Variants in NDRG1 observed in about 807,000 individuals in gnomAD.
The protein encoded by NDRG1 is N-myc downstream regulated 1.
In NDRG1, 32 loss-of-function variants were observed where a neutral mutation model predicts 56.9. That is an observed-to-expected ratio of 0.56 (90% confidence interval 0.42 to 0.76). NDRG1 has a LOEUF of 0.76. NDRG1 is among the 30% of genes least tolerant of loss of function. The probability of loss-of-function intolerance (pLI) is 0.00; values close to 1 mark genes in which losing one functional copy is unlikely to be tolerated. For missense variants in NDRG1, 507 were observed against 545.7 expected (o/e 0.93, Z 0.71); for synonymous variants, 211 against 204.1 (o/e 1.03, Z -0.29).
chr8:133,267,444 C>T (rs574691461), intron 3 of NDRG1, among the ~76,000 whole-genome samples: 1 of 152,276 alleles, frequency 6.6e-6, no homozygotes, highest in Non-Finnish European at 1.5e-5. Context: ...ACCGTTAAGT[C>T]CCCTGGCACA....
Position 133,284,243 on chromosome 8 carries a change from A to G in NDRG1, c.63+6T>C, listed in dbSNP as rs199597649. ...TGATGGGGTAGCCAGGAAGATCTCC[A>G]CTCACCTCCCCTTTCTCCACCAAAG... On this transcript the variant is annotated splice_donor_region_variant and intron_variant, in intron 2 of 15. Transcript: ENST00000323851. 677 of 1,613,492 alleles carry G rather than the reference A, an allele frequency of 4.2e-4. 1 individual carries two copies. Among genetic ancestry groups the G allele is most frequent in the Non-Finnish European group, 5.4e-4 (639 of 1,179,806 alleles).
intron 2 of NDRG1, among the ~76,000 whole-genome samples, chr8:133,282,008 T>C (rs887816867): frequency 6.6e-6 from 1 of 152,190 alleles, no homozygotes; most frequent in Non-Finnish European, 1.5e-5. Flanking sequence ...TAACTCTAAA[T>C]ACTTTGCTGA....
chr8:133,256,683 A>C, intron 8 of NDRG1, 94 bp downstream of exon 8: 1 of 1,195,608 alleles, frequency 8.4e-7, no homozygotes, highest in South Asian at 1.3e-5. Flanking sequence ...GTAAAGAGAG[A>C]GCTCGTAGCT....
At chr8:133,239,414 C>T in intron 15 of NDRG1, 3 of 577,132 alleles carry the variant, frequency 5.2e-6, no homozygotes, top group Non-Finnish European at 3.1e-6. Context: ...TGAGAGTGTC[C>T]CCCTGAGCCT....
At chr8:133,292,879 C>G (rs1292854038) in intron 1 of NDRG1, among the ~76,000 whole-genome samples, 1 of 152,206 alleles carries the variant, frequency 6.6e-6, no homozygotes, top group Non-Finnish European at 1.5e-5. Flanking sequence ...CACTTTCTAC[C>G]AGCTCAGTTG....
intron 10 of NDRG1, 65 bp downstream of exon 10, chr8:133,250,375 A>T: frequency 1.4e-6 from 2 of 1,390,680 alleles, no homozygotes; most frequent in Non-Finnish European, 2.0e-6. Context: ...CATCTGTCCC[A>T]CATTTCGGAT....
At chr8:133,269,909 C>T (rs1857108109) in intron 3 of NDRG1, among the ~76,000 whole-genome samples, 2 of 152,252 alleles carry the variant, frequency 1.3e-5, no homozygotes, top group African/African-American at 4.8e-5. Context: ...GCACCTGCCC[C>T]CAAACTGCAC....
At chr8:133,241,748 G>T (rs1181358416) in intron 15 of NDRG1, 2 of 551,908 alleles carry the variant, frequency 3.6e-6, no homozygotes, top group Non-Finnish European at 6.5e-6. Flanking sequence ...CATTGTCTTG[G>T]TGCTTAAAGG....
At chr8:133,276,458 A>T (rs1857460758) in intron 3 of NDRG1, among the ~76,000 whole-genome samples, 1 of 152,200 alleles carries the variant, frequency 6.6e-6, no homozygotes, top group South Asian at 2.1e-4. Flanking sequence ...CCCAAATCTC[A>T]TCTTGAATTG....
chr8:133,244,203 A>C, intron 14 of NDRG1, 152 bp downstream of exon 14: 2 of 956,864 alleles, frequency 2.1e-6, no homozygotes, highest in South Asian at 1.4e-5. Context: ...AGGGAATCAG[A>C]GTCCTCCTAT....
intron 3 of NDRG1, among the ~76,000 whole-genome samples, chr8:133,279,198 T>TA (rs942984982): frequency 9.2e-5 from 14 of 152,116 alleles, no homozygotes; most frequent in African/African-American, 3.4e-4. Flanking sequence ...CCCTTCTTCT[T>TA]AAACACTGAG....
At chr8:133,254,729 C>A in intron 8 of NDRG1, 134 bp from the exon 9 acceptor site, 1 of 823,030 alleles carries the variant, frequency 1.2e-6, no homozygotes, top group Non-Finnish European at 2.1e-6. Flanking sequence ...AAGGACATCC[C>A]CCTTGATAGA....
intron 3 of NDRG1, among the ~76,000 whole-genome samples, chr8:133,274,408 T>G (rs1463818084): frequency 6.6e-6 from 1 of 152,186 alleles, no homozygotes; most frequent in Non-Finnish European, 1.5e-5. Context: ...GCTGAAGCAG[T>G]AATTATTTTT....
intron 8 of NDRG1, 119 bp downstream of exon 8, chr8:133,256,658 G>A: frequency 1.1e-6 from 1 of 892,228 alleles, no homozygotes. Flanking sequence ...GCAGTAGAGG[G>A]TAGTGGAGGA....
chr8:133,289,333 C>T (rs1489742133), intron 1 of NDRG1, among the ~76,000 whole-genome samples: 1 of 152,140 alleles, frequency 6.6e-6, no homozygotes, highest in African/African-American at 2.4e-5. Flanking sequence ...CAAACAGTTG[C>T]TTAATTCATC....
chr8:133,258,908 G>A (rs1205941216), intron 6 of NDRG1: 1 of 567,892 alleles, frequency 1.8e-6, no homozygotes, highest in African/African-American at 1.9e-5. Flanking sequence ...AGAACAGGAG[G>A]CAAGAGCAAA....
At position 133,258,592 on chromosome 8, in the gene NDRG1, G is replaced by C. The variant is rs537243424; in HGVS notation, c.390-166C>G. ...GGTCACCATGCTTTAGGACTGGACA[G>C]AGACCTCGACCTTGGAGAGCCGCGC... On this transcript the variant is annotated intron_variant, in intron 6 of 15. Transcript: ENST00000323851. Among the ~76,000 whole-genome samples the C allele has an allele frequency of 2.6e-5, 4 of 152,326 alleles. No individual in the cohort carries two copies. In the East Asian group the frequency reaches 5.8e-4, roughly 22 times the overall value.
chr8:133,251,661 T>C (rs1023805704), intron 9 of NDRG1, among the ~76,000 whole-genome samples: 7 of 152,208 alleles, frequency 4.6e-5, no homozygotes, highest in Admixed American at 1.3e-4. Context: ...TGTCACACGC[T>C]GTGGAATGAA....
rs763481273 is a variant in NDRG1 at position 133,246,621 on chromosome 8, G to A, written c.850C>T (p.Leu284Phe). 3.7e-6 allele frequency: 6 copies of A among 1,614,160 alleles called. No individual in the cohort carries two copies. Among genetic ancestry groups the A allele is most frequent in the Non-Finnish European group, 5.1e-6 (6 of 1,180,000 alleles). Residue 284 changes from leucine (L) to phenylalanine (F), a missense_variant, in exon 13 of 16, where the codon CTC becomes TTC. Leu to Phe is a conservative substitution (Grantham distance 22, BLOSUM62 0). Transcript: ENST00000323851. Reference protein sequence around the residue: ...SKLDPTKTTLLKMADCGGLPQ... With the variant: ...SKLDPTKTTLFKMADCGGLPQ... The stretch of plus-strand genomic sequence containing the variant: ...CCCCACTGTTTTCCCTGTACCTTGA[G>A]GAGAGTGGTCTTTGTTGGGTCCAAT...
Sources: allele counts gnomAD v4.1 joint callset (sites outside exome capture counted in the v4.1 genomes callset), GRCh38; gene constraint gnomAD v4.1.1; transcripts MANE v1.5; gene names NCBI Gene and HGNC (gene_info 2026-07-23, HGNC 2026-07-21).